Variants in PTPRM observed in about 807,000 individuals in gnomAD.
PTPRM encodes the protein protein tyrosine phosphatase receptor type M, also known as receptor-type tyrosine-protein phosphatase mu.
A neutral mutation model predicts 186.7 loss-of-function variants in PTPRM; 47 were observed. That is an observed-to-expected ratio of 0.25 (90% CI 0.20 to 0.32). PTPRM has a LOEUF of 0.32. Ranked by LOEUF, PTPRM falls within the 10% of genes least tolerant of loss-of-function variation. The pLI is 1.00. For missense variants in PTPRM, 1,494 were observed against 1,865.0 expected, an observed-to-expected ratio of 0.80 and a Z score of 3.66; for synonymous variants, 668 against 674.9, an observed-to-expected ratio of 0.99 and a Z score of 0.16.
chr18:7,617,761 A>G (rs1315217504), intron 1 of PTPRM, among the ~76,000 whole-genome samples: 1 of 152,220 alleles, frequency 6.6e-6, no homozygotes, highest in African/African-American at 2.4e-5. Flanking sequence ...AGAAGAGGAT[A>G]ATCATCAACC....
At chr18:7,934,514 G>A (rs1461991705) in intron 5 of PTPRM, among the ~76,000 whole-genome samples, 1 of 152,174 alleles carries the variant, frequency 6.6e-6, no homozygotes, top group Non-Finnish European at 1.5e-5. Flanking sequence ...AATGGGAACA[G>A]TTTCACTGAT....
At chr18:8,012,028 C>T (rs571583085) in intron 7 of PTPRM, among the ~76,000 whole-genome samples, 62 of 152,186 alleles carry the variant, frequency 4.1e-4, no homozygotes, top group African/African-American at 1.4e-3. Context: ...TTGTTGCCAC[C>T]GTGGTTTCCC....
At chr18:8,289,567 T>TATATATACATATATATATACAC (rs1568675216) in intron 19 of PTPRM, among the ~76,000 whole-genome samples, 14 of 123,682 alleles carry the variant, frequency 1.1e-4, no homozygotes, top group African/African-American at 4.8e-4. Context: ...TATACACATA[T>TATATATACATATATATATACAC]ATATATATAC....
chr18:8,147,647 G>C (rs1193600727), intron 14 of PTPRM, among the ~76,000 whole-genome samples: 1 of 152,066 alleles, frequency 6.6e-6, no homozygotes, highest in Non-Finnish European at 1.5e-5. Flanking sequence ...TCTTTCTCTT[G>C]CCTGATTGCT....
intron 1 of PTPRM, among the ~76,000 whole-genome samples, chr18:7,748,865 C>G (rs945865033): frequency 2.0e-5 from 3 of 152,148 alleles, no homozygotes; most frequent in Non-Finnish European, 4.4e-5. Flanking sequence ...GGAACTCCCC[C>G]ACCCCAGTGG....
intron 2 of PTPRM, among the ~76,000 whole-genome samples, chr18:7,869,952 A>G (rs1048214623): frequency 6.6e-6 from 1 of 152,184 alleles, no homozygotes; most frequent in Admixed American, 6.5e-5. Context: ...ATTGGGCCAT[A>G]TGCAAGTTAA....
At position 7,598,163 on chromosome 18, in the gene PTPRM, A is replaced by AAT. The variant is rs1432674677; in HGVS notation, c.73+30279_73+30280dup. Among the ~76,000 whole-genome samples the AAT allele has an allele frequency of 4.6e-5, 7 of 152,284 alleles. No homozygotes were observed. In the East Asian group the frequency reaches 1.4e-3, roughly 29 times the overall value. On this transcript the variant is annotated intron_variant, in intron 1 of 32. Transcript: ENST00000580170. Reference sequence around the variant, plus strand: ...GTAAAATTCTTTTTATCTTAATCCAAATATATATTGGTCAGTATTTCTTAT... The same window carrying AAT: ...GTAAAATTCTTTTTATCTTAATCCAAATATATATATTGGTCAGTATTTCTTAT...
At chr18:7,938,636 G>A (rs1177733947) in intron 5 of PTPRM, among the ~76,000 whole-genome samples, 1 of 152,030 alleles carries the variant, frequency 6.6e-6, no homozygotes, top group Non-Finnish European at 1.5e-5. Flanking sequence ...CATTTATTAG[G>A]TATATTCTAT....
At chr18:7,847,463 G>A (rs141032440) in intron 2 of PTPRM, among the ~76,000 whole-genome samples, 1 of 152,198 alleles carries the variant, frequency 6.6e-6, no homozygotes, top group East Asian at 1.9e-4. Flanking sequence ...CCCCATGCCT[G>A]TCCACAAATC....
chr18:7,894,018 C>G (rs2049213083), intron 3 of PTPRM, among the ~76,000 whole-genome samples: 1 of 150,884 alleles, frequency 6.6e-6, no homozygotes, highest in Non-Finnish European at 1.5e-5. Flanking sequence ...AAAAACAAAA[C>G]AAACAAACAA....
intron 1 of PTPRM, among the ~76,000 whole-genome samples, chr18:7,599,334 T>C (rs1423150311): frequency 6.6e-6 from 1 of 152,230 alleles, no homozygotes; most frequent in African/African-American, 2.4e-5. Context: ...GAATTTGTAA[T>C]TCATAGCTGA....
intron 13 of PTPRM, among the ~76,000 whole-genome samples, chr18:8,124,656 G>A (rs113284160): frequency 6.6e-6 from 1 of 152,216 alleles, no homozygotes; most frequent in South Asian, 2.1e-4. Context: ...TATAACTGAT[G>A]GGAACCAAAG....
chr18:7,607,321 C>CA (rs1274026945), intron 1 of PTPRM, among the ~76,000 whole-genome samples: 1 of 152,156 alleles, frequency 6.6e-6, no homozygotes, highest in Non-Finnish European at 1.5e-5. Context: ...TTTCTTCACT[C>CA]ACTGGCATGT....
chr18:7,926,983 T>G (rs949310323), intron 5 of PTPRM, among the ~76,000 whole-genome samples: 3 of 151,464 alleles, frequency 2.0e-5, no homozygotes, highest in African/African-American at 7.3e-5. Context: ...CTCCTAAGTC[T>G]TCCTCTTGAG....
In PTPRM at chr18:8,158,978, A is replaced by G. The variant is rs530011980; in HGVS notation, c.2300+15199A>G. On this transcript the variant is annotated intron_variant, in intron 14 of 32. Transcript: ENST00000580170. ...CCACTGTTGGAAATCACATTGCAAC[A>G]TGAGATGTGGGGGACAAAGATCCTG... Among the ~76,000 whole-genome samples, 9 of 152,310 alleles carry G rather than the reference A, an allele frequency of 5.9e-5. No homozygotes were observed. In the East Asian group the frequency reaches 1.7e-3, roughly 29 times the overall value.
intron 1 of PTPRM, among the ~76,000 whole-genome samples, chr18:7,631,449 C>CT (rs2038189339): frequency 1.5e-5 from 2 of 131,456 alleles, no homozygotes; most frequent in Admixed American, 7.1e-5. Context: ...AACTACAAGG[C>CT]TGTTTTTTTT....
intron 1 of PTPRM, among the ~76,000 whole-genome samples, chr18:7,576,687 A>C (rs2036696686): frequency 6.6e-6 from 1 of 152,182 alleles, no homozygotes; most frequent in African/African-American, 2.4e-5. Flanking sequence ...TACATTGCCC[A>C]GGCTAGTCTT....
chr18:7,874,292 T>C (rs2048122074), intron 2 of PTPRM, among the ~76,000 whole-genome samples: 1 of 151,990 alleles, frequency 6.6e-6, no homozygotes, highest in African/African-American at 2.4e-5. Flanking sequence ...TATAAAGGCA[T>C]ATGCAATTTT....
At chr18:7,767,422 A>G (rs1252506330) in intron 1 of PTPRM, among the ~76,000 whole-genome samples, 1 of 152,186 alleles carries the variant, frequency 6.6e-6, no homozygotes, top group African/African-American at 2.4e-5. Flanking sequence ...TTTAAATGGT[A>G]GACTCTATTT....
Sources: gnomAD v4.1 joint callset for allele counts (sites outside exome capture counted in the v4.1 genomes callset) on GRCh38, gnomAD v4.1.1 for gene constraint, MANE v1.5 for transcripts, NCBI Gene and HGNC (gene_info 2026-07-23, HGNC 2026-07-21) for gene names.